Variants in UTRN observed in about 807,000 individuals in gnomAD.
The protein encoded by UTRN is utrophin, also known as dystrophin-related protein 1.
In UTRN, 283 loss-of-function variants were observed where a neutral mutation model predicts 463.9. That is an observed-to-expected ratio of 0.61 (90% CI 0.55 to 0.67). The LOEUF (loss-of-function observed/expected upper bound fraction) is 0.67, where lower values mean the gene tolerates loss of function less well. UTRN is among the 30% of genes least tolerant of loss of function. UTRN has a pLI of 0.00. For synonymous variants in UTRN, 1,442 were observed against 1,431.5 expected, an observed-to-expected ratio of 1.01 and a Z score of -0.17; for missense variants, 3,922 against 4,084.3, an observed-to-expected ratio of 0.96 and a Z score of 1.08.
chr6:144,460,394 T>C (rs1010603682), intron 21 of UTRN, among the ~76,000 whole-genome samples: 1 of 152,206 alleles, frequency 6.6e-6, no homozygotes, highest in African/African-American at 2.4e-5. Context: ...ACTTCAGCAA[T>C]TGTAGATTGT....
chr6:144,616,236 T>G (rs1806079074), intron 51 of UTRN, among the ~76,000 whole-genome samples: 1 of 152,226 alleles, frequency 6.6e-6, no homozygotes, highest in Non-Finnish European at 1.5e-5. Context: ...GTATTGATTC[T>G]GAACTATTGT....
At chr6:144,341,249 GC>G (rs1777118834) in intron 2 of UTRN, among the ~76,000 whole-genome samples, 1 of 152,134 alleles carries the variant, frequency 6.6e-6, no homozygotes, top group African/African-American at 2.4e-5. Flanking sequence ...AAGGCCCAAG[GC>G]CTTACATCAA....
intron 64 of UTRN, among the ~76,000 whole-genome samples, chr6:144,800,627 A>C (rs899527877): frequency 2.0e-5 from 3 of 152,194 alleles, no homozygotes; most frequent in African/African-American, 7.2e-5. Context: ...AGTTTCTTCA[A>C]CTTCAAATTC....
At chr6:144,634,318 A>G (rs1031082761) in intron 51 of UTRN, among the ~76,000 whole-genome samples, 9 of 152,276 alleles carry the variant, frequency 5.9e-5, no homozygotes, top group Admixed American at 5.9e-4. Context: ...GGCCCTTCAG[A>G]TGAGCTGCCA....
chr6:144,348,021 T>C (rs563028721), intron 2 of UTRN, among the ~76,000 whole-genome samples: 1 of 151,978 alleles, frequency 6.6e-6, no homozygotes, highest in East Asian at 1.9e-4. Context: ...TTTTTAATAG[T>C]TTTTCTGTAG....
intron 53 of UTRN, among the ~76,000 whole-genome samples, chr6:144,725,947 CTCCTGTACT>C (rs1167434552): frequency 6.6e-6 from 1 of 152,146 alleles, no homozygotes; most frequent in African/African-American, 2.4e-5. Context: ...CCAGGCTTGC[CTCCTGTACT>C]TCCCTACATT....
chr6:144,438,693 C>T (rs1038361853), intron 11 of UTRN, 52 bp from the exon 12 acceptor site: 1 of 1,603,842 alleles, frequency 6.2e-7, no homozygotes. Context: ...GTATATTTGA[C>T]TTTGCAAAGG....
intron 69 of UTRN, among the ~76,000 whole-genome samples, chr6:144,834,584 C>T (rs979202912): frequency 1.3e-5 from 2 of 152,134 alleles, no homozygotes; most frequent in African/African-American, 4.8e-5. Context: ...AATTTTCAAA[C>T]CAGAATTACA....
chr6:144,604,954 A>G (rs1804681885), intron 51 of UTRN, among the ~76,000 whole-genome samples: 1 of 152,160 alleles, frequency 6.6e-6, no homozygotes, highest in East Asian at 1.9e-4. Flanking sequence ...GACAAAAAAA[A>G]ATCACTAAAG....
chr6:144,841,941 C>T lies in UTRN; in HGVS notation c.10270+1109C>T, dbSNP rs149929707. Among the ~76,000 whole-genome samples, 836 of 151,832 alleles carry T rather than the reference C, an allele frequency of 5.5e-3. 8 individuals carry two copies. The highest frequency in any genetic ancestry group is 0.017 in the African/African-American group (711 of 41,422). ...TCTGACCAACATGGTGAAACCCTGT[C>T]GCTACTAAAAATACAAAAAGTAGCC... On this transcript the variant is annotated intron_variant, in intron 73 of 74. Coordinates refer to ENST00000367545, the MANE Select transcript of UTRN (RefSeq NM_007124.3).
Position 144,700,172 on chromosome 6 carries a change from G to A in UTRN, c.7738G>A (p.Glu2580Lys). 2.5e-6 allele frequency: 4 copies of A among 1,613,656 alleles called. No individual in the cohort carries two copies. The highest frequency in any genetic ancestry group is 1.1e-5 in the South Asian group (1 of 91,060). ...ELIKWLNMKD[E>K]ELKKQMPIGG... The stretch of plus-strand genomic sequence containing the variant: ...GATCAAATGGCTGAATATGAAAGAT[G>A]AAGAGCTTAAGAAACAAATGCCTAT... The change falls in exon 53 of 75, where the codon GAA becomes AAA. Residue 2580 changes from glutamate to lysine, a missense_variant. By Grantham distance (56) the Glu-to-Lys change is moderately conservative. Transcript: ENST00000367545.
chr6:144,394,204 A>G (rs936791815), intron 2 of UTRN, among the ~76,000 whole-genome samples: 2 of 152,142 alleles, frequency 1.3e-5, no homozygotes, highest in East Asian at 3.8e-4. Flanking sequence ...TTGAATTATC[A>G]TATATATGTG....
chr6:144,428,293 T>A (rs1002776502), intron 7 of UTRN, among the ~76,000 whole-genome samples: 10 of 152,132 alleles, frequency 6.6e-5, no homozygotes, highest in Non-Finnish European at 1.5e-4. Flanking sequence ...AGAGCTAGAT[T>A]TTGTGTTCTG....
In UTRN at chr6:144,453,871, T is replaced by C. The variant is rs749030305; in HGVS notation, c.2284+2T>C. ...TCCTTGTGGAGCAAATGGGAAAAGG[T>C]AAGATCCTTGATTTTTTTCCCCTAT... is the stretch of plus-strand genomic sequence containing the variant. On this transcript the variant is annotated splice_donor_variant, in intron 19 of 74. Transcript: ENST00000367545. LOFTEE classifies it high-confidence loss of function. 4.3e-6 allele frequency: 7 copies of C among 1,611,330 alleles called. No homozygotes were observed. Among genetic ancestry groups the C allele is most frequent in the Non-Finnish European group, 5.1e-6 (6 of 1,178,306 alleles).
At chr6:144,563,616 C>T (rs1299948366) in intron 50 of UTRN, among the ~76,000 whole-genome samples, 1 of 152,102 alleles carries the variant, frequency 6.6e-6, no homozygotes, top group Non-Finnish European at 1.5e-5. Flanking sequence ...TTGATTTATC[C>T]TCTCGGAAGC....
At position 144,548,734 on chromosome 6, in the gene UTRN, T is replaced by C. The variant is rs1345097817; in HGVS notation, c.6690T>C (p.Asp2230=). ...HRTSEISIPA[D]LDKTITELAD... is the part of the protein sequence containing the mutation. ...CTTCGGAAATTTCAATTCCTGCTGATCTTGATAAAACTATAACAGAACTAG... is the reference window on the plus strand; with the variant it reads ...CTTCGGAAATTTCAATTCCTGCTGACCTTGATAAAACTATAACAGAACTAG... The change falls in exon 47 of 75, where the codon GAT becomes GAC. Residue 2230 remains aspartate (D), a synonymous_variant. Transcript: ENST00000367545. 6.2e-7 allele frequency: 1 copy of C among 1,614,090 alleles called. No individual in the cohort carries two copies.
intron 2 of UTRN, among the ~76,000 whole-genome samples, chr6:144,324,536 T>C (rs1469951516): frequency 6.6e-6 from 1 of 152,214 alleles, no homozygotes; most frequent in Non-Finnish European, 1.5e-5. Context: ...CCATAAAGTA[T>C]TTAGCAAGAC....
At position 144,851,068 on chromosome 6, in the gene UTRN, T is replaced by A; in HGVS notation, c.*71T>A. 2.5e-6 allele frequency: 4 copies of A among 1,603,900 alleles called. No homozygotes were observed. The highest frequency in any genetic ancestry group is 3.4e-6 in the Non-Finnish European group (4 of 1,170,920). On this transcript the variant is annotated 3_prime_UTR_variant, in exon 75 of 75. Transcript: ENST00000367545. ...CTTTTCAGCAAATGCCAATTCCAAG[T>A]TCCATTAAATCAGAAGCTCCATGGC... is the stretch of plus-strand genomic sequence containing the variant.
chr6:144,764,921 GGTGTT>G (rs898316074), intron 58 of UTRN, among the ~76,000 whole-genome samples: 3 of 152,090 alleles, frequency 2.0e-5, no homozygotes, highest in Non-Finnish European at 4.4e-5. Context: ...ACATAGTCCT[GGTGTT>G]AACACCTTCA....
Sources: allele counts gnomAD v4.1 joint callset (sites outside exome capture counted in the v4.1 genomes callset), GRCh38; gene constraint gnomAD v4.1.1; transcripts MANE v1.5; gene names NCBI Gene and HGNC (gene_info 2026-07-23, HGNC 2026-07-21).